The following DRAM2 variants were observed in gnomAD, a reference collection of about 807,000 sequenced individuals.
DRAM2 encodes DNA damage regulated autophagy modulator 2.
DRAM2 carries 26 observed loss-of-function variants against 33.5 expected under a neutral mutation model. The ratio of observed to expected loss-of-function variants is 0.78; its 90% CI spans 0.57 to 1.08. The LOEUF (loss-of-function observed/expected upper bound fraction) is 1.08, where lower values mean the gene tolerates loss of function less well. Ranked by LOEUF, DRAM2 falls within the 50% of genes least tolerant of loss-of-function variation. DRAM2 has a pLI of 0.00. For synonymous variants in DRAM2, 98 were observed against 109.5 expected (o/e 0.89, Z 0.66); for missense variants, 311 against 318.1 (o/e 0.98, Z 0.17).
At position 111,117,950 on chromosome 1, in the gene DRAM2, C is replaced by T. The variant is rs1163008853; in HGVS notation, c.*210G>A. 3.5e-6 allele frequency: 2 copies of T among 568,378 alleles called. No individual in the cohort carries two copies. Among genetic ancestry groups the T allele is most frequent in the Non-Finnish European group, 6.2e-6 (2 of 320,698 alleles). The allele number at this position is 568,378 out of a possible 1,614,324, so 35.2% of individuals were successfully genotyped here. A position where few individuals can be genotyped will look rare whatever the true frequency, so the allele number is the denominator to read the frequency against. ...ATTTTCTGAGATAAAAAAGTATAGG[C>T]ATAGGTGTTTTTAATAGTCTTCTTG... is the stretch of plus-strand genomic sequence containing the variant. On this transcript the variant is annotated 3_prime_UTR_variant, in exon 10 of 10. Coordinates refer to ENST00000484310, the MANE Select transcript of DRAM2 (RefSeq NM_001349884.2).
intron 4 of DRAM2, chr1:111,127,977 T>G (rs546079993): frequency 9.8e-5 from 15 of 152,314 alleles, no homozygotes; most frequent in Non-Finnish European, 2.1e-4. Context: ...ATATTTCTTC[T>G]CTTACCCCAG....
rs536336699 is a variant in DRAM2, at chr1:111,131,337, A to G, written c.131+87T>C. On this transcript the variant is annotated intron_variant, in intron 4 of 9. Coordinates refer to ENST00000484310, the MANE Select transcript of DRAM2 (RefSeq NM_001349884.2). ...AATGCCAATGTAAAATCTGATTTTT[A>G]AAAGGTTGACATTAAATGTTGACTT... 7.5e-5 allele frequency: 103 copies of G among 1,374,020 alleles called. No homozygotes were observed. The African/African-American group carries it at 1.3e-3, about 17-fold the overall frequency. The allele number at this position is 1,374,020 out of a possible 1,614,324, so 85.1% of individuals were successfully genotyped here.
chr1:111,130,768 G>A (rs1443801800), intron 4 of DRAM2, among the ~76,000 whole-genome samples: 1 of 151,426 alleles, frequency 6.6e-6, no homozygotes, highest in Non-Finnish European at 1.5e-5. Context: ...AGGCTGAGGT[G>A]GGCAGATCAC....
intron 6 of DRAM2, among the ~76,000 whole-genome samples, chr1:111,122,103 GAGTT>G (rs758122202): frequency 1.1e-4 from 16 of 152,082 alleles, no homozygotes; most frequent in Admixed American, 5.2e-4. Context: ...CAAGATCTTT[GAGTT>G]AGTTAGGCAG....
chr1:111,123,183 C>T (rs1489517082), intron 6 of DRAM2, among the ~76,000 whole-genome samples: 1 of 152,152 alleles, frequency 6.6e-6, no homozygotes, highest in Non-Finnish European at 1.5e-5. Context: ...GCACAGACAG[C>T]TAGCTAGTTG....
At position 111,139,587 on chromosome 1, in the gene DRAM2, C is replaced by A. The variant is rs945350981; in HGVS notation, c.-165G>T. 1 of 152,284 alleles carries A rather than the reference C, an allele frequency of 6.6e-6. No individual in the cohort carries two copies. Among genetic ancestry groups the A allele is most frequent in the Non-Finnish European group, 1.5e-5 (1 of 68,102 alleles). 9.4% of individuals were successfully genotyped at this position (152,284 alleles called of 1,614,324 possible). On this transcript the variant is annotated 5_prime_UTR_variant, in exon 2 of 10. Transcript: ENST00000484310. ...GATTCTTGGTAACTGCTTCAACAAA[C>A]CAGAGGAATTAATTAGACCGCTGAT... is the stretch of plus-strand genomic sequence containing the variant.
intron 5 of DRAM2, 136 bp from the exon 6 acceptor site, chr1:111,125,017 G>C: frequency 1.3e-5 from 8 of 606,216 alleles, no homozygotes; most frequent in Non-Finnish European, 1.5e-5. Context: ...AGAATAAAAA[G>C]AAAAAAAAAA....
intron 6 of DRAM2, among the ~76,000 whole-genome samples, chr1:111,124,054 C>T (rs563354358): frequency 2.1e-4 from 32 of 152,264 alleles, no homozygotes; most frequent in African/African-American, 6.5e-4. Flanking sequence ...CCCTTCTTAA[C>T]CCTTACGTTT....
chr1:111,126,423 T>C, intron 4 of DRAM2, 129 bp from the exon 5 acceptor site: 2 of 572,154 alleles, frequency 3.5e-6, no homozygotes, highest in East Asian at 5.5e-5. Flanking sequence ...GTTCAACTCA[T>C]ATCATTTTAT....
intron 2 of DRAM2, among the ~76,000 whole-genome samples, chr1:111,137,974 A>G (rs896592696): frequency 2.0e-5 from 3 of 152,180 alleles, no homozygotes; most frequent in South Asian, 4.1e-4. Context: ...GTGAGATGAG[A>G]TATCTCTAAA....
chr1:111,118,017 G>A lies in DRAM2; in HGVS notation c.*143C>T. 1 of 719,168 alleles carries A rather than the reference G, an allele frequency of 1.4e-6. No homozygotes were observed. Among genetic ancestry groups the A allele is most frequent in the South Asian group, 1.7e-5 (1 of 58,042 alleles). The allele number at this position is 719,168 out of a possible 1,614,324, so 44.5% of individuals were successfully genotyped here. On this transcript the variant is annotated 3_prime_UTR_variant, in exon 10 of 10. Coordinates refer to ENST00000484310, the MANE Select transcript of DRAM2 (RefSeq NM_001349884.2). ...TAATCTATCAAATGGCTTCTTTCAT[G>A]TTTCCTGATTATCAGCATTCATCAG...
intron 8 of DRAM2, chr1:111,119,608 T>G: frequency 2.4e-6 from 1 of 417,588 alleles, no homozygotes. Flanking sequence ...TTATATACTA[T>G]ACCCACATTT....
intron 3 of DRAM2, among the ~76,000 whole-genome samples, chr1:111,136,756 G>C (rs1302344325): frequency 6.6e-6 from 1 of 152,078 alleles, no homozygotes; most frequent in Non-Finnish European, 1.5e-5. Flanking sequence ...CATTTCAAAT[G>C]CTCAAAAGCC....
intron 2 of DRAM2, among the ~76,000 whole-genome samples, chr1:111,138,527 T>C (rs1295910656): frequency 1.3e-5 from 2 of 152,278 alleles, no homozygotes; most frequent in Non-Finnish European, 2.9e-5. Context: ...GGCTCTCGCC[T>C]GTAATCCCAG....
At chr1:111,120,401 AAAAAAAAAAAAAAAAAAAGAC>A in intron 7 of DRAM2, 94 bp downstream of exon 7, 1 of 282,688 alleles carries the variant, frequency 3.5e-6, no homozygotes, top group Non-Finnish European at 5.3e-6. Flanking sequence ...AAAAAAAAAA[AAAAAAAAAAAAAAAAAAAGAC>A]AAAAAGGCTT....
chr1:111,130,466 G>A (rs921854582), intron 4 of DRAM2, among the ~76,000 whole-genome samples: 135 of 152,282 alleles, frequency 8.9e-4, no homozygotes, highest in African/African-American at 3.1e-3. Flanking sequence ...AGCACTTTGG[G>A]AGGCCAAGGC....
chr1:111,121,753 C>A (rs1650094894), intron 6 of DRAM2, among the ~76,000 whole-genome samples: 1 of 152,008 alleles, frequency 6.6e-6, no homozygotes, highest in African/African-American at 2.4e-5. Context: ...CTGCATAGTC[C>A]CTTTAACCTC....
At chr1:111,136,598 C>T (rs185883186) in intron 3 of DRAM2, among the ~76,000 whole-genome samples, 2,527 of 147,778 alleles carry the variant, frequency 0.017, 32 homozygotes, top group Middle Eastern at 0.034. Flanking sequence ...AACAAAAAAA[C>T]AAAAAAAAAC....
intron 2 of DRAM2, chr1:111,139,159 T>G (rs1444392293): frequency 1.3e-5 from 2 of 152,234 alleles, no homozygotes; most frequent in Non-Finnish European, 2.9e-5. Context: ...TTTTATAAGC[T>G]GCATCAAATG....
Sources: gnomAD v4.1 joint callset for allele counts (sites outside exome capture counted in the v4.1 genomes callset) on GRCh38, gnomAD v4.1.1 for gene constraint, MANE v1.5 for transcripts, NCBI Gene and HGNC (gene_info 2026-07-23, HGNC 2026-07-21) for gene names.